The following GSDMD variants were observed in gnomAD, a reference collection of about 807,000 sequenced individuals.
GSDMD encodes the protein gasdermin D, also known as gasdermin-D.
Under a neutral mutation model 46.7 loss-of-function variants are expected in GSDMD, and 46 were observed. That is an observed-to-expected ratio of 0.99 (90% CI 0.78 to 1.26). The LOEUF (loss-of-function observed/expected upper bound fraction) is 1.26, where lower values mean the gene tolerates loss of function less well. Ranked by LOEUF, GSDMD falls within the 50% of genes most tolerant of loss-of-function variation. GSDMD has a pLI of 0.00. For missense variants in GSDMD, 649 were observed against 638.8 expected (o/e 1.02, Z -0.17); for synonymous variants, 307 against 283.1 (o/e 1.08, Z -0.85).
At chr8:143,558,586 G>A (rs959740839) in intron 1 of GSDMD, 135 bp downstream of exon 1, 15 of 885,932 alleles carry the variant, frequency 1.7e-5, no homozygotes, top group East Asian at 9.8e-5. Context: ...ACACGGGGGC[G>A]GAAGCTCCAG....
In GSDMD at chr8:143,561,784, C is replaced by T. The variant is rs1001645759; in HGVS notation, c.779C>T (p.Pro260Leu). 2.5e-6 allele frequency: 4 copies of T among 1,610,468 alleles called. No individual in the cohort carries two copies. Among genetic ancestry groups the T allele is most frequent in the East Asian group, 4.5e-5 (2 of 44,740 alleles). Residue 260 changes from proline (P) to leucine (L), a missense_variant, in exon 7 of 11, where the codon CCC becomes CTC. By Grantham distance (98) the Pro-to-Leu change is moderately conservative. Coordinates refer to ENST00000262580, the MANE Select transcript of GSDMD (RefSeq NM_024736.7). ...STSEGAWPQL[P>L]SGLSMMRCLH... Reference sequence around the variant, plus strand: ...AGCGAAGGCGCCTGGCCACAGCTGCCCTCTGGCCTCTCCATGATGAGGTGC... The same window carrying T: ...AGCGAAGGCGCCTGGCCACAGCTGCTCTCTGGCCTCTCCATGATGAGGTGC...
rs2130574875 is a variant in GSDMD at position 143,562,754 on chromosome 8, A to G, written c.1305A>G (p.Gly435=). ...PGLLGNSWGE[G]APAWVLLDEC... ...TCCTGGGGAACAGCTGGGGCGAAGG[A>G]GCACCGGCCTGGGTCTTGCTGGACG... The change falls in exon 11 of 11, where the codon GGA becomes GGG. Residue 435 remains glycine, a synonymous_variant. Coordinates refer to ENST00000262580, the MANE Select transcript of GSDMD (RefSeq NM_024736.7). 1 of 1,587,234 alleles carries G rather than the reference A, an allele frequency of 6.3e-7. No homozygotes were observed. Among genetic ancestry groups the G allele is most frequent in the Non-Finnish European group, 8.6e-7 (1 of 1,166,970 alleles).
At chr8:143,560,060 G>A (rs1288604361) in intron 3 of GSDMD, 91 bp downstream of exon 3, 3 of 1,282,980 alleles carry the variant, frequency 2.3e-6, no homozygotes, top group Admixed American at 4.0e-5. Context: ...TATTTTTTGA[G>A]GTGAGGTTTT....
chr8:143,559,346 C>T lies in GSDMD; in HGVS notation c.11C>T (p.Ala4Val). Reference protein sequence around the residue: MGSAFERVVRRVVQ... With the variant: MGSVFERVVRRVVQ... Reference sequence around the variant, plus strand: ...CCCCTCCTCAGGAGCATGGGGTCGGCCTTTGAGCGGGTAGTCCGGAGAGTG... The same window carrying T: ...CCCCTCCTCAGGAGCATGGGGTCGGTCTTTGAGCGGGTAGTCCGGAGAGTG... Residue 4 changes from alanine (A) to valine (V), a missense_variant, in exon 2 of 11, where the codon GCC becomes GTC. Physicochemically the swap from Ala to Val is moderately conservative, Grantham distance 64. Transcript: ENST00000262580. The T allele has an allele frequency of 7.4e-7, 1 of 1,357,496 alleles. No homozygotes were observed. Among genetic ancestry groups the T allele is most frequent in the Non-Finnish European group, 9.8e-7 (1 of 1,018,634 alleles). The allele number at this position is 1,357,496 out of a possible 1,614,324, so 84.1% of individuals were successfully genotyped here. A position where few individuals can be genotyped will look rare whatever the true frequency, so the allele number is the denominator to read the frequency against.
upstream of GSDMD, among the ~76,000 whole-genome samples, chr8:143,554,442 AAC>A (rs199608710): frequency 0.017 from 2,586 of 151,126 alleles, 79 homozygotes; most frequent in African/African-American, 0.06. Flanking sequence ...ACATGCACAA[AAC>A]ACGGACGTGC....
rs924855032 is a variant in GSDMD at position 143,559,613 on chromosome 8, T to C, written c.217+61T>C. The C allele has an allele frequency of 2.3e-5, 35 of 1,529,342 alleles. No individual in the cohort carries two copies. The African/African-American group carries it at 4.6e-4, about 20-fold the overall frequency. 94.7% of individuals were successfully genotyped at this position (1,529,342 alleles called of 1,614,324 possible). A position where few individuals can be genotyped will look rare whatever the true frequency, so the allele number is the denominator to read the frequency against. On this transcript the variant is annotated intron_variant, in intron 2 of 10. Coordinates refer to ENST00000262580, the MANE Select transcript of GSDMD (RefSeq NM_024736.7). ...GGCTGGATGGGAGAGGGGAGCGGGCTGGGGCCAACCATCCACTGGGCTCTG... is the reference window on the plus strand; with the variant it reads ...GGCTGGATGGGAGAGGGGAGCGGGCCGGGGCCAACCATCCACTGGGCTCTG...
intron 2 of GSDMD, 94 bp downstream of exon 2, chr8:143,559,646 T>G: frequency 2.1e-6 from 3 of 1,439,902 alleles, no homozygotes; most frequent in Non-Finnish European, 1.9e-6. Flanking sequence ...CTGCAGCCTC[T>G]AGCTCTGGGC....
Position 143,561,810 on chromosome 8 carries a change from C to T in GSDMD, c.805C>T (p.Leu269Phe), listed in dbSNP as rs1352464165. The change falls in exon 7 of 11, where the codon CTC (leucine) becomes TTC (phenylalanine). Residue 269 changes from leucine (L) to phenylalanine (F), a missense_variant. By Grantham distance (22) the Leu-to-Phe change is conservative. Coordinates refer to ENST00000262580, the MANE Select transcript of GSDMD (RefSeq NM_024736.7). ...CTCTGGCCTCTCCATGATGAGGTGC[C>T]TCCACAACTTCCTGACAGGTCAGTG... ...LPSGLSMMRC[L>F]HNFLTDGVPA... 1.9e-6 allele frequency: 3 copies of T among 1,610,918 alleles called. No homozygotes were observed. The African/African-American group carries it at 4.0e-5, about 22-fold the overall frequency.
chr8:143,558,532 C>A, intron 1 of GSDMD, 81 bp downstream of exon 1: 1 of 1,265,250 alleles, frequency 7.9e-7, no homozygotes, highest in Non-Finnish European at 1.0e-6. Flanking sequence ...GTGGGGGATG[C>A]TGGCCCTGCT....
chr8:143,559,003 A>G, intron 1 of GSDMD: 1 of 413,626 alleles, frequency 2.4e-6, no homozygotes, highest in Non-Finnish European at 4.4e-6. Context: ...CACGCTCAGG[A>G]GGTGACAGCT....
intron 3 of GSDMD, chr8:143,560,311 C>A: frequency 2.9e-6 from 2 of 690,450 alleles, no homozygotes; most frequent in Non-Finnish European, 2.6e-6. Flanking sequence ...GGACTGGATC[C>A]TAAGGACCGG....
intron 1 of GSDMD, 198 bp from the exon 2 acceptor site, chr8:143,559,134 G>A (rs1276212149): frequency 1.2e-5 from 7 of 602,988 alleles, no homozygotes; most frequent in Non-Finnish European, 8.9e-6. Flanking sequence ...AGACAACAGG[G>A]AGAACACTGT....
intron 7 of GSDMD, 34 bp from the exon 8 acceptor site, chr8:143,561,925 C>T: frequency 6.2e-7 from 1 of 1,606,098 alleles, no homozygotes; most frequent in Non-Finnish European, 8.5e-7. Flanking sequence ...GCCCTGTAAG[C>T]ACCTGGGCAG....
At chr8:143,558,954 G>A in intron 1 of GSDMD, 5 of 560,464 alleles carry the variant, frequency 8.9e-6, no homozygotes, top group Middle Eastern at 2.7e-4. Context: ...GTGGGTCCCT[G>A]GTGACACTCT....
chr8:143,560,865 C>T lies in GSDMD; in HGVS notation c.579+94C>T, dbSNP rs956614907. ...CGGGCTGGGCTCCGCCAAGGCCCCT[C>T]GGAGCAGCTCCCAGCCCTGCGCTTG... On this transcript the variant is annotated intron_variant, in intron 4 of 10. Coordinates refer to ENST00000262580, the MANE Select transcript of GSDMD (RefSeq NM_024736.7). The T allele has an allele frequency of 1.6e-4, 234 of 1,430,008 alleles. No individual in the cohort carries two copies. The African/African-American group carries it at 1.7e-3, about 11-fold the overall frequency. 88.6% of individuals were successfully genotyped at this position (1,430,008 alleles called of 1,614,324 possible).
In GSDMD at chr8:143,563,046, G is replaced by A. The variant is rs1207073554; in HGVS notation, c.*142G>A. 8.9e-7 allele frequency: 1 copy of A among 1,120,374 alleles called. No individual in the cohort carries two copies. Among genetic ancestry groups the A allele is most frequent in the African/African-American group, 1.6e-5 (1 of 62,952 alleles). 69.4% of individuals were successfully genotyped at this position (1,120,374 alleles called of 1,614,324 possible). ...CAGGAGTTGGGGAAACACAATAAAG[G>A]TGGCATACGAAGGAAAGGCTGGTAG... On this transcript the variant is annotated 3_prime_UTR_variant, in exon 11 of 11. Transcript: ENST00000262580.
At position 143,559,329 on chromosome 8, in the gene GSDMD, C is replaced by T. The variant is rs1823391298; in HGVS notation, c.-4-3C>T. 6.3e-7 allele frequency: 1 copy of T among 1,597,388 alleles called. No individual in the cohort carries two copies. Among genetic ancestry groups the T allele is most frequent in the Non-Finnish European group, 8.6e-7 (1 of 1,168,586 alleles). On this transcript the variant is annotated splice_polypyrimidine_tract_variant and splice_region_variant and intron_variant, in intron 1 of 10. Coordinates refer to ENST00000262580, the MANE Select transcript of GSDMD (RefSeq NM_024736.7). ...CAATGCCTGACCCATTTCCCCTCCTCAGGAGCATGGGGTCGGCCTTTGAGC... is the reference window on the plus strand; with the variant it reads ...CAATGCCTGACCCATTTCCCCTCCTTAGGAGCATGGGGTCGGCCTTTGAGC...
chr8:143,560,365 CG>C, intron 3 of GSDMD: 1 of 650,504 alleles, frequency 1.5e-6, no homozygotes. Flanking sequence ...GGTGTGAACA[CG>C]GGGGCCCAGG....
At chr8:143,555,266 A>T (rs1823280096), upstream of GSDMD, 1 of 152,336 alleles carries the variant, frequency 6.6e-6, no homozygotes, top group South Asian at 2.1e-4. Flanking sequence ...AGGCCAGGTC[A>T]GCCAGGCAGG....
Sources: allele counts gnomAD v4.1 joint callset (sites outside exome capture counted in the v4.1 genomes callset), GRCh38; gene constraint gnomAD v4.1.1; transcripts MANE v1.5; gene names NCBI Gene and HGNC (gene_info 2026-07-23, HGNC 2026-07-21).